The following ADD1 variants were observed in gnomAD, a reference collection of about 807,000 sequenced individuals.
ADD1 encodes adducin 1, also known as alpha-adducin.
Under a neutral mutation model 80.5 loss-of-function variants are expected in ADD1, and 24 were observed. That is an observed-to-expected ratio of 0.30 (90% confidence interval 0.22 to 0.42). The LOEUF is 0.42. Among genes scored for constraint, ADD1 ranks in the 10% least tolerant of loss-of-function variants. ADD1 has a pLI of 1.00. For synonymous variants in ADD1, 373 were observed against 393.8 expected, an observed-to-expected ratio of 0.95 and a Z score of 0.63; for missense variants, 948 against 1,019.0, an observed-to-expected ratio of 0.93 and a Z score of 0.95.
intron 6 of ADD1, among the ~76,000 whole-genome samples, chr4:2,897,705 A>G (rs918300916): frequency 2.0e-5 from 3 of 151,866 alleles, no homozygotes; most frequent in African/African-American, 7.3e-5. Context: ...TATTATTTGT[A>G]GAGGCGGGGG....
intron 4 of ADD1, among the ~76,000 whole-genome samples, chr4:2,891,900 G>A (rs1225455786): frequency 6.6e-6 from 1 of 152,176 alleles, no homozygotes; most frequent in African/African-American, 2.4e-5. Flanking sequence ...ATTGTAGAAG[G>A]GGGTTAGAAT....
chr4:2,894,801 G>C (rs1170442899), intron 6 of ADD1, 70 bp downstream of exon 6: 1 of 1,482,582 alleles, frequency 6.7e-7, no homozygotes, highest in African/African-American at 1.5e-5. Context: ...CGTTTCCTCT[G>C]AATTGCCCTT....
intron 11 of ADD1, among the ~76,000 whole-genome samples, 162 bp downstream of exon 11, chr4:2,908,006 A>G (rs1737351242): frequency 6.6e-6 from 1 of 152,180 alleles, no homozygotes; most frequent in South Asian, 2.1e-4. Context: ...TTCTACCACC[A>G]GTGTGAAGTA....
intron 3 of ADD1, among the ~76,000 whole-genome samples, chr4:2,882,319 C>G (rs1414563871): frequency 6.6e-6 from 1 of 152,164 alleles, no homozygotes; most frequent in East Asian, 1.9e-4. Context: ...CTTCCCAGCC[C>G]CTATGTAGAT....
At chr4:2,912,534 T>G (rs374251009) in intron 13 of ADD1, among the ~76,000 whole-genome samples, 6 of 138,820 alleles carry the variant, frequency 4.3e-5, no homozygotes, top group Admixed American at 7.1e-5. Flanking sequence ...ATTTGTATTT[T>G]TATTTTTATT....
In ADD1 at chr4:2,928,263, G is replaced by A. The variant is rs770892218; in HGVS notation, c.2140G>A (p.Ala714Thr). Reference protein sequence around the residue: ...PDLSPDEPSEALGFPMLEKEE... With the variant: ...PDLSPDEPSETLGFPMLEKEE... ...TCTGTCCCCTGATGAACCTTCAGAAGCACTCGGCTTCCCAATGTTAGAGAA... is the reference window on the plus strand; with the variant it reads ...TCTGTCCCCTGATGAACCTTCAGAAACACTCGGCTTCCCAATGTTAGAGAA... The change falls in exon 16 of 16, where the codon GCA becomes ACA. Residue 714 changes from alanine to threonine, a missense_variant. Transcript: ENST00000683351. The A allele has an allele frequency of 4.3e-6, 7 of 1,613,960 alleles. No individual in the cohort carries two copies. Among genetic ancestry groups the A allele is most frequent in the African/African-American group, 4.0e-5 (3 of 74,880 alleles).
intron 1 of ADD1, among the ~76,000 whole-genome samples, chr4:2,860,900 G>C (rs904593359): frequency 2.6e-5 from 4 of 152,210 alleles, no homozygotes; most frequent in Non-Finnish European, 5.9e-5. Flanking sequence ...TCTAGCTCCA[G>C]AGTCTGTGCC....
intron 13 of ADD1, among the ~76,000 whole-genome samples, chr4:2,911,190 G>A (rs1304986344): frequency 1.3e-5 from 2 of 152,136 alleles, no homozygotes; most frequent in African/African-American, 4.8e-5. Context: ...GTGCGTGGAT[G>A]CCTGCTTCCC....
rs1712526084 is a variant in ADD1 at position 2,929,036 on chromosome 4, C to T, written c.*513C>T. The T allele has an allele frequency of 6.5e-6, 1 of 154,988 alleles. No individual in the cohort carries two copies. Among genetic ancestry groups the T allele is most frequent in the Admixed American group, 6.5e-5 (1 of 15,300 alleles). The allele number at this position is 154,988 out of a possible 1,614,324, so 9.6% of individuals were successfully genotyped here. ...TCCCGTGAAAACACTCGTGTGCCCA[C>T]CAGCGGCCTTGAAGAGGCAGGTCTG... is the stretch of plus-strand genomic sequence containing the variant. On this transcript the variant is annotated 3_prime_UTR_variant, in exon 16 of 16. Coordinates refer to ENST00000683351, the MANE Select transcript of ADD1 (RefSeq NM_001354761.2).
intron 1 of ADD1, among the ~76,000 whole-genome samples, chr4:2,850,802 T>C (rs901315178): frequency 2.6e-5 from 4 of 150,968 alleles, no homozygotes; most frequent in Non-Finnish European, 5.9e-5. Flanking sequence ...ACTCCTGACC[T>C]CAAGTGACCC....
chr4:2,900,431 G>A (rs1316165975), intron 9 of ADD1: 1 of 152,290 alleles, frequency 6.6e-6, no homozygotes, highest in Non-Finnish European at 1.5e-5. Flanking sequence ...AAGTGGTGTA[G>A]ATGTGAGGAC....
chr4:2,886,246 C>T (rs1359964194), intron 4 of ADD1, among the ~76,000 whole-genome samples: 1 of 152,166 alleles, frequency 6.6e-6, no homozygotes, highest in Non-Finnish European at 1.5e-5. Context: ...TGCACATGGA[C>T]TCATAACCAG....
At chr4:2,857,628 A>G (rs1280816892) in intron 1 of ADD1, among the ~76,000 whole-genome samples, 2 of 152,214 alleles carry the variant, frequency 1.3e-5, no homozygotes, top group African/African-American at 4.8e-5. Flanking sequence ...TCTGAGTGGT[A>G]GGGATTTTCA....
chr4:2,928,389 C>A lies in ADD1; in HGVS notation c.2266C>A (p.Pro756Thr). 3 of 1,613,344 alleles carry A rather than the reference C, an allele frequency of 1.9e-6. No individual in the cohort carries two copies. The highest frequency in any genetic ancestry group is 2.5e-6 in the Non-Finnish European group (3 of 1,179,908). Residue 756 changes from proline to threonine, a missense_variant, in exon 16 of 16, where the codon CCC becomes ACC. Pro to Thr is a conservative substitution (Grantham distance 38). Coordinates refer to ENST00000683351, the MANE Select transcript of ADD1 (RefSeq NM_001354761.2). ...AGCCCCGGTGGCTGAAGAGGCTGCC[C>A]CCTCAGCTGTCGAGGAGGGGGCCGC... ...DPAPVAEEAA[P>T]SAVEEGAAAD...
chr4:2,917,731 T>C (rs1298490406), intron 14 of ADD1, among the ~76,000 whole-genome samples: 1 of 152,244 alleles, frequency 6.6e-6, no homozygotes, highest in Non-Finnish European at 1.5e-5. Context: ...AGTTTCAGTT[T>C]TATGCATATG....
intron 6 of ADD1, among the ~76,000 whole-genome samples, chr4:2,896,178 C>T (rs954298516): frequency 2.0e-5 from 3 of 151,818 alleles, no homozygotes; most frequent in African/African-American, 4.8e-5. Context: ...TGAGCCACTG[C>T]ACCCGGCCCA....
intron 5 of ADD1, 51 bp from the exon 6 acceptor site, chr4:2,894,527 AAAAG>A: frequency 6.8e-7 from 1 of 1,473,940 alleles, no homozygotes; most frequent in Non-Finnish European, 9.1e-7. Context: ...AAAAAAAAAG[AAAAG>A]AAAAAATGAA....
chr4:2,866,032 A>C (rs1465573871), intron 1 of ADD1, among the ~76,000 whole-genome samples: 3 of 152,230 alleles, frequency 2.0e-5, no homozygotes, highest in Non-Finnish European at 4.4e-5. Flanking sequence ...GCGAGATAGC[A>C]TACTTATAAA....
At chr4:2,923,647 C>T (rs1435684144) in intron 14 of ADD1, among the ~76,000 whole-genome samples, 2 of 152,254 alleles carry the variant, frequency 1.3e-5, no homozygotes, top group African/African-American at 4.8e-5. Context: ...TCTGTTGAAG[C>T]TTCACCGGGG....
Sources: gnomAD v4.1 joint callset for allele counts (sites outside exome capture counted in the v4.1 genomes callset) on GRCh38, gnomAD v4.1.1 for gene constraint, MANE v1.5 for transcripts, NCBI Gene and HGNC (gene_info 2026-07-23, HGNC 2026-07-21) for gene names.